Variants in CORIN observed in about 807,000 individuals in gnomAD.
CORIN encodes the protein corin, serine peptidase.
A neutral mutation model predicts 125.3 loss-of-function variants in CORIN; 117 were observed. The observed-to-expected ratio is 0.93, with a 90% confidence interval of 0.80 to 1.09. The LOEUF is 1.09. CORIN is among the 50% of genes least tolerant of loss of function. The pLI is 0.00. For synonymous variants in CORIN, 450 were observed against 466.4 expected (o/e 0.96, Z 0.45); for missense variants, 1,253 against 1,306.7 (o/e 0.96, Z 0.63).
chr4:47,628,676 A>G (rs2109572090), intron 16 of CORIN, among the ~76,000 whole-genome samples: 1 of 152,122 alleles, frequency 6.6e-6, no homozygotes, highest in African/African-American at 2.4e-5. Context: ...TTACAAGTTG[A>G]CTTTTTTAGA....
chr4:47,834,676 T>C (rs1442418660), intron 1 of CORIN, among the ~76,000 whole-genome samples: 1 of 152,210 alleles, frequency 6.6e-6, no homozygotes, highest in African/African-American at 2.4e-5. Flanking sequence ...TGGATAGGTT[T>C]GTGACATTAA....
chr4:47,679,367 CTT>C lies in CORIN; in HGVS notation c.1132+772_1132+773del, dbSNP rs35035691. Among the ~76,000 whole-genome samples, 422 of 147,490 alleles carry C rather than the reference CTT, an allele frequency of 2.9e-3. 2 individuals carry two copies. Among genetic ancestry groups the C allele is most frequent in the South Asian group, 0.015 (69 of 4,622 alleles). ...AATTTATATTATTACTACGTTCTCT[CTT>C]TTTTTTTTTTTAAAGATGGAGTTTC... is the stretch of plus-strand genomic sequence containing the variant. On this transcript the variant is annotated intron_variant, in intron 8 of 21. Transcript: ENST00000273857.
At chr4:47,674,210 GA>G (rs1247952951) in intron 10 of CORIN, among the ~76,000 whole-genome samples, 182 bp downstream of exon 10, 3 of 152,194 alleles carry the variant, frequency 2.0e-5, no homozygotes, top group Non-Finnish European at 2.9e-5. Context: ...GTTTCTGATT[GA>G]AGTTAATTAA....
chr4:47,661,818 A>G lies in CORIN; in HGVS notation c.1628T>C (p.Val543Ala). ...CCACTGTAGGCCCACAATCCCAAGA[A>G]CAGACTCACAGCGTTCTTTAGAGTG... ...CEHSKERCESVLGIVGLQWPE... is the reference protein window; with the variant it reads ...CEHSKERCESALGIVGLQWPE... Residue 543 changes from valine to alanine, a missense_variant, in exon 12 of 22, where the codon GTT becomes GCT. Val to Ala is a moderately conservative substitution (Grantham distance 64). Transcript: ENST00000273857. The G allele has an allele frequency of 6.2e-7, 1 of 1,613,398 alleles. No homozygotes were observed. The highest frequency in any genetic ancestry group is 8.5e-7 in the Non-Finnish European group (1 of 1,179,570).
At chr4:47,793,189 C>T (rs528246004) in intron 2 of CORIN, among the ~76,000 whole-genome samples, 3 of 152,242 alleles carry the variant, frequency 2.0e-5, no homozygotes, top group South Asian at 2.1e-4. Context: ...TCCCAGAGCA[C>T]GCACTGGTTA....
chr4:47,810,849 A>G (rs1732032111), intron 1 of CORIN, among the ~76,000 whole-genome samples: 1 of 152,202 alleles, frequency 6.6e-6, no homozygotes, highest in South Asian at 2.1e-4. Context: ...ATTATATGCA[A>G]CTGACCACTT....
chr4:47,620,001 G>A (rs1722242082), intron 19 of CORIN, among the ~76,000 whole-genome samples: 1 of 152,164 alleles, frequency 6.6e-6, no homozygotes, highest in South Asian at 2.1e-4. Context: ...AAGCTCTCAA[G>A]CGAAGGTGCT....
intron 1 of CORIN, among the ~76,000 whole-genome samples, chr4:47,813,310 C>G (rs1194448249): frequency 4.6e-5 from 7 of 152,232 alleles, no homozygotes. Context: ...CAACAGCACA[C>G]AGTTTGGAAA....
intron 1 of CORIN, among the ~76,000 whole-genome samples, chr4:47,812,046 T>C (rs1271430683): frequency 6.6e-6 from 1 of 152,222 alleles, no homozygotes; most frequent in Non-Finnish European, 1.5e-5. Context: ...TTTAAGAAAA[T>C]TGTATTTTAA....
At chr4:47,663,503 T>G (rs956264779) in intron 11 of CORIN, among the ~76,000 whole-genome samples, 15 of 152,044 alleles carry the variant, frequency 9.9e-5, no homozygotes, top group African/African-American at 2.9e-4. Context: ...AAAAAAGAAA[T>G]AAATTTATCT....
chr4:47,722,295 A>G lies in CORIN; in HGVS notation c.799+22107T>C, dbSNP rs987116155. 2.0e-5 allele frequency among the ~76,000 whole-genome samples: 3 copies of G among 152,242 alleles called. No homozygotes were observed. In the South Asian group the frequency reaches 6.2e-4, roughly 32 times the overall value. ...CCAAGGGTATATTACAGGCAGAGAT[A>G]GTTTTAAAGGAATCAATTTCCACAC... On this transcript the variant is annotated intron_variant, in intron 5 of 21. Transcript: ENST00000273857.
intron 16 of CORIN, among the ~76,000 whole-genome samples, chr4:47,641,584 C>T (rs1431611777): frequency 2.6e-5 from 4 of 152,104 alleles, no homozygotes; most frequent in Admixed American, 2.6e-4. Flanking sequence ...TCAATAACCT[C>T]TTGGGGGGAA....
intron 1 of CORIN, among the ~76,000 whole-genome samples, chr4:47,809,283 A>G (rs1025081846): frequency 6.6e-6 from 1 of 152,140 alleles, no homozygotes; most frequent in African/African-American, 2.4e-5. Context: ...AGTGGAGAAA[A>G]TGCTAGAGGC....
chr4:47,716,904 A>G (rs1315899984), intron 5 of CORIN, among the ~76,000 whole-genome samples: 1 of 152,178 alleles, frequency 6.6e-6, no homozygotes, highest in Non-Finnish European at 1.5e-5. Context: ...AACTAAAAAA[A>G]ATACTGTTGG....
At chr4:47,735,179 ATGTC>A (rs1462044820) in intron 5 of CORIN, among the ~76,000 whole-genome samples, 2 of 152,370 alleles carry the variant, frequency 1.3e-5, no homozygotes, top group African/African-American at 4.8e-5. Context: ...TTTAGTAACT[ATGTC>A]TGTGTATACA....
chr4:47,782,935 T>G (rs1004090493), intron 3 of CORIN, among the ~76,000 whole-genome samples: 1 of 151,916 alleles, frequency 6.6e-6, no homozygotes, highest in Non-Finnish European at 1.5e-5. Context: ...CTTTTTTTTT[T>G]GCAATGATGA....
At chr4:47,596,038 G>T in intron 21 of CORIN, 135 bp from the exon 22 acceptor site, 1 of 571,218 alleles carries the variant, frequency 1.8e-6, no homozygotes. Flanking sequence ...TTCCTTGTCA[G>T]CCTGTGGAGG....
chr4:47,646,429 T>C (rs561532101), intron 13 of CORIN, among the ~76,000 whole-genome samples: 1 of 152,360 alleles, frequency 6.6e-6, no homozygotes, highest in Non-Finnish European at 1.5e-5. Flanking sequence ...AACATTAATG[T>C]AATAACTTGA....
chr4:47,700,980 T>C (rs1311341125), intron 5 of CORIN, among the ~76,000 whole-genome samples: 1 of 152,242 alleles, frequency 6.6e-6, no homozygotes, highest in Non-Finnish European at 1.5e-5. Context: ...GCTATTATAC[T>C]GATGTTTCCT....
Sources: allele counts gnomAD v4.1 joint callset (sites outside exome capture counted in the v4.1 genomes callset), GRCh38; gene constraint gnomAD v4.1.1; transcripts MANE v1.5; gene names NCBI Gene and HGNC (gene_info 2026-07-23, HGNC 2026-07-21).